ZEB1: variants seen among roughly 807,000 people sequenced by gnomAD.
ZEB1 encodes zinc finger E-box binding homeobox 1, also known as zinc finger E-box-binding homeobox 1.
In ZEB1, 21 loss-of-function variants were observed where a neutral mutation model predicts 84.9. The observed-to-expected ratio is 0.25, with a 90% CI of 0.18 to 0.36. ZEB1 has a LOEUF of 0.36. ZEB1 is among the 10% of genes least tolerant of loss of function. ZEB1 has a pLI of 1.00. For synonymous variants in ZEB1, 420 were observed against 471.1 expected, an observed-to-expected ratio of 0.89 and a Z score of 1.41; for missense variants, 1,104 against 1,330.2, an observed-to-expected ratio of 0.83 and a Z score of 2.65.
intron 1 of ZEB1, among the ~76,000 whole-genome samples, chr10:31,397,209 A>T (rs2050956851): frequency 7.1e-6 from 1 of 140,330 alleles, no homozygotes. Flanking sequence ...TTATACTTTA[A>T]GTTCTAGGGT....
chr10:31,382,629 A>G (rs2047896580), intron 1 of ZEB1, among the ~76,000 whole-genome samples: 1 of 152,172 alleles, frequency 6.6e-6, no homozygotes, highest in African/African-American at 2.4e-5. Context: ...AGAAAAGGTA[A>G]CAGAGAGAAT....
chr10:31,319,699 G>A (rs1564442505), intron 1 of ZEB1: 1 of 181,954 alleles, frequency 5.5e-6, no homozygotes. Flanking sequence ...GCCCTTCGGC[G>A]CCTCCCTCTC....
intron 4 of ZEB1, among the ~76,000 whole-genome samples, chr10:31,503,239 T>C (rs965639481): frequency 5.3e-5 from 8 of 152,096 alleles, no homozygotes; most frequent in Non-Finnish European, 1.0e-4. Context: ...GTTTGTCAGG[T>C]CCATACAGTA....
intron 2 of ZEB1, among the ~76,000 whole-genome samples, chr10:31,486,101 A>T (rs1205395139): frequency 6.6e-6 from 1 of 151,916 alleles, no homozygotes; most frequent in East Asian, 1.9e-4. Context: ...ATTTCATTGT[A>T]TGGGTGTGCC....
chr10:31,376,164 A>C (rs1390377881), intron 1 of ZEB1, among the ~76,000 whole-genome samples: 1 of 151,814 alleles, frequency 6.6e-6, no homozygotes, highest in Non-Finnish European at 1.5e-5. Flanking sequence ...CAGTCATTGC[A>C]TAAGACTGAT....
chr10:31,452,778 GTTA>G (rs1564925139), intron 1 of ZEB1, among the ~76,000 whole-genome samples: 1 of 119,526 alleles, frequency 8.4e-6, no homozygotes, highest in African/African-American at 3.2e-5. Flanking sequence ...AGAGAGAGAT[GTTA>G]TTGTAGTCCC....
At position 31,471,758 on chromosome 10, in the gene ZEB1, AT is replaced by A. The variant is rs1200919639; in HGVS notation, c.259+10528del. ...TCCACCCCAAATCAACAGAATATAC[AT>A]TTTTTTCAGCACCACACCACACCTA... On this transcript the variant is annotated intron_variant, in intron 2 of 8. Transcript: ENST00000424869. 2.8e-5 allele frequency among the ~76,000 whole-genome samples: 4 copies of A among 141,886 alleles called. No individual in the cohort carries two copies. The East Asian group carries it at 6.1e-4, about 22-fold the overall frequency. The allele number at this position is 141,886 out of a possible 152,430, so 93.1% of individuals were successfully genotyped here.
intron 1 of ZEB1, among the ~76,000 whole-genome samples, chr10:31,415,972 G>A (rs1334066596): frequency 6.6e-6 from 1 of 151,992 alleles, no homozygotes; most frequent in African/African-American, 2.4e-5. Context: ...ATTGAGACTG[G>A]AATTATTTCT....
chr10:31,352,675 C>T (rs1378475507), intron 1 of ZEB1, among the ~76,000 whole-genome samples: 3 of 152,140 alleles, frequency 2.0e-5, no homozygotes, highest in African/African-American at 7.2e-5. Flanking sequence ...CTCAGCTCTC[C>T]TTAAGTGTGC....
intron 2 of ZEB1, among the ~76,000 whole-genome samples, chr10:31,487,591 A>G (rs2065909805): frequency 6.6e-6 from 1 of 151,272 alleles, no homozygotes; most frequent in Non-Finnish European, 1.5e-5. Flanking sequence ...TGTTTTCTGC[A>G]AATAGGGACA....
At chr10:31,447,625 C>G (rs1239955487) in intron 1 of ZEB1, among the ~76,000 whole-genome samples, 1 of 142,226 alleles carries the variant, frequency 7.0e-6, no homozygotes, top group Non-Finnish European at 1.5e-5. Flanking sequence ...GACAAAATCT[C>G]TCAGCATTTG....
At chr10:31,356,593 C>A (rs989665794) in intron 1 of ZEB1, among the ~76,000 whole-genome samples, 2 of 152,058 alleles carry the variant, frequency 1.3e-5, no homozygotes, top group East Asian at 3.8e-4. Flanking sequence ...TTAAAAGATG[C>A]CGGAGGAAAC....
intron 1 of ZEB1, among the ~76,000 whole-genome samples, chr10:31,405,100 G>A (rs2052734149): frequency 6.6e-6 from 1 of 152,086 alleles, no homozygotes; most frequent in Admixed American, 6.6e-5. Context: ...GAAATTTCTT[G>A]TCTTTTTAGT....
chr10:31,327,365 C>G (rs1314149585), intron 1 of ZEB1, among the ~76,000 whole-genome samples: 1 of 152,114 alleles, frequency 6.6e-6, no homozygotes, highest in Admixed American at 6.5e-5. Flanking sequence ...CCTGCCTCAG[C>G]CTCCCAAAGT....
At chr10:31,511,356 T>A (rs1285366475) in intron 5 of ZEB1, among the ~76,000 whole-genome samples, 1 of 152,072 alleles carries the variant, frequency 6.6e-6, no homozygotes, top group Non-Finnish European at 1.5e-5. Flanking sequence ...GTAAAGGGAG[T>A]TGCCTCCTCT....
intron 1 of ZEB1, among the ~76,000 whole-genome samples, chr10:31,411,653 AAAAG>A (rs1477319750): frequency 2.6e-5 from 4 of 151,082 alleles, no homozygotes; most frequent in African/African-American, 9.7e-5. Context: ...AAAAAAAAAA[AAAAG>A]CAGCATTAGG....
At chr10:31,492,891 A>G (rs1235937820) in intron 2 of ZEB1, among the ~76,000 whole-genome samples, 1 of 151,888 alleles carries the variant, frequency 6.6e-6, no homozygotes, top group Non-Finnish European at 1.5e-5. Context: ...TTTTGGTCTA[A>G]ATTTGAGATA....
chr10:31,431,563 C>T (rs548631435), intron 1 of ZEB1, among the ~76,000 whole-genome samples: 12 of 152,088 alleles, frequency 7.9e-5, no homozygotes, highest in East Asian at 3.9e-4. Context: ...TTTTAAACTC[C>T]GCATCCTACT....
intron 1 of ZEB1, among the ~76,000 whole-genome samples, chr10:31,431,913 G>C (rs1158351326): frequency 6.6e-6 from 1 of 152,152 alleles, no homozygotes; most frequent in Admixed American, 6.5e-5. Flanking sequence ...TGACAAAACA[G>C]TTTATTTTAA....
Sources: allele counts gnomAD v4.1 joint callset (sites outside exome capture counted in the v4.1 genomes callset), GRCh38; gene constraint gnomAD v4.1.1; transcripts MANE v1.5; gene names NCBI Gene and HGNC (gene_info 2026-07-23, HGNC 2026-07-21).